CLCN3: variants seen among roughly 807,000 people sequenced by gnomAD.
CLCN3 encodes the protein Cl-/H+ antiporter 3, also known as H(+)/Cl(-) exchange transporter 3.
Under a neutral mutation model 83.4 loss-of-function variants are expected in CLCN3, and 16 were observed. The ratio of observed to expected loss-of-function variants is 0.19; its 90% CI spans 0.13 to 0.29. The LOEUF (loss-of-function observed/expected upper bound fraction) is 0.29, where lower values mean the gene tolerates loss of function less well. CLCN3 is among the 10% of genes least tolerant of loss of function. The pLI, the probability that CLCN3 is intolerant of heterozygous loss-of-function variation, is 1.00. For synonymous variants in CLCN3, 322 were observed against 346.2 expected, an observed-to-expected ratio of 0.93 and a Z score of 0.78; for missense variants, 544 against 1,006.0, an observed-to-expected ratio of 0.54 and a Z score of 6.21.
intron 5 of CLCN3, among the ~76,000 whole-genome samples, 154 bp downstream of exon 5, chr4:169,689,384 A>C (rs564359871): frequency 5.3e-5 from 8 of 152,364 alleles, no homozygotes; most frequent in Admixed American, 2.6e-4. Flanking sequence ...ATTAAGTGCA[A>C]TATTGTTTCA....
chr4:169,718,394 G>A (rs1049279600), intron 12 of CLCN3, among the ~76,000 whole-genome samples: 1 of 152,062 alleles, frequency 6.6e-6, no homozygotes, highest in African/African-American at 2.4e-5. Context: ...TAACTAGAGT[G>A]TAATGTGTAT....
chr4:169,699,143 G>C (rs1732682767), intron 9 of CLCN3, among the ~76,000 whole-genome samples: 1 of 152,096 alleles, frequency 6.6e-6, no homozygotes, highest in Non-Finnish European at 1.5e-5. Context: ...GGACATCTTT[G>C]ATGAGCCATT....
rs955680174 is a variant in CLCN3 at position 169,690,570 on chromosome 4, T to C, written c.647T>C (p.Phe216Ser). The change falls in exon 6 of 13, where the codon TTC becomes TCC. Residue 216 changes from phenylalanine to serine, a missense_variant. Physicochemically the swap from Phe to Ser is radical, Grantham distance 155 (BLOSUM62 -2). Transcript: ENST00000513761. ...ATCATGAACTACATAATGTACATCT[T>C]CTGGGCCTTGAGTTTTGCCTTTCTT... is the stretch of plus-strand genomic sequence containing the variant. ...SYIMNYIMYI[F>S]WALSFAFLAV... is the part of the protein sequence containing the mutation. 1.9e-6 allele frequency: 3 copies of C among 1,613,822 alleles called. No individual in the cohort carries two copies. The African/African-American group carries it at 4.0e-5, about 22-fold the overall frequency.
chr4:169,664,934 A>AACTTTAAACT (rs1425313490), intron 2 of CLCN3, among the ~76,000 whole-genome samples: 1 of 152,150 alleles, frequency 6.6e-6, no homozygotes, highest in Admixed American at 6.5e-5. Flanking sequence ...GTTTAAATTG[A>AACTTTAAACT]ACTTTAAGGT....
chr4:169,628,285 C>T (rs971806706), intron 1 of CLCN3, among the ~76,000 whole-genome samples: 1 of 152,016 alleles, frequency 6.6e-6, no homozygotes, highest in Non-Finnish European at 1.5e-5. Context: ...AAAGAATACT[C>T]CTTAAAGGCA....
rs189816658 is a variant in CLCN3, at chr4:169,683,281, G to A, written c.318+3074G>A. Among the ~76,000 whole-genome samples, 5 of 152,284 alleles carry A rather than the reference G, an allele frequency of 3.3e-5. No individual in the cohort carries two copies. In the East Asian group the frequency reaches 9.7e-4, roughly 29 times the overall value. ...GGAAGGTTGAGGCAGAGGATCGCTGGATCCCAGGAGTTTGAGACCAGCCTG... is the reference window on the plus strand; with the variant it reads ...GGAAGGTTGAGGCAGAGGATCGCTGAATCCCAGGAGTTTGAGACCAGCCTG... On this transcript the variant is annotated intron_variant, in intron 3 of 12. Transcript: ENST00000513761.
At chr4:169,694,714 C>G (rs980017926) in intron 7 of CLCN3, among the ~76,000 whole-genome samples, 2 of 152,134 alleles carry the variant, frequency 1.3e-5, no homozygotes, top group Non-Finnish European at 2.9e-5. Context: ...TGGCAGGCGC[C>G]TGTAATCCCA....
At chr4:169,663,526 G>A in intron 2 of CLCN3, 2 of 280,604 alleles carry the variant, frequency 7.1e-6, no homozygotes, top group Non-Finnish European at 7.1e-6. Flanking sequence ...TTTTTTTTTA[G>A]GGAGAGTCTC....
intron 2 of CLCN3, among the ~76,000 whole-genome samples, chr4:169,636,460 C>T (rs996596340): frequency 1.3e-5 from 2 of 152,118 alleles, no homozygotes; most frequent in African/African-American, 4.8e-5. Context: ...AGAAGTAAAA[C>T]ATTACCAGTA....
intron 2 of CLCN3, among the ~76,000 whole-genome samples, chr4:169,669,531 CAA>C (rs1431464452): frequency 6.6e-6 from 1 of 152,064 alleles, no homozygotes; most frequent in Non-Finnish European, 1.5e-5. Flanking sequence ...TATGTTATGA[CAA>C]ATATAGTTAT....
At chr4:169,679,872 G>A (rs1440264039) in intron 2 of CLCN3, among the ~76,000 whole-genome samples, 178 bp from the exon 3 acceptor site, 1 of 121,536 alleles carries the variant, frequency 8.2e-6, no homozygotes, top group African/African-American at 2.8e-5. Flanking sequence ...GAGGGAGACC[G>A]TGGAAGGCGG....
chr4:169,720,038 T>G lies in CLCN3; in HGVS notation c.*41T>G. On this transcript the variant is annotated 3_prime_UTR_variant, in exon 13 of 13. Transcript: ENST00000513761. The stretch of plus-strand genomic sequence containing the variant: ...AGAGAGAAGAAACGGAAGAGGAAGT[T>G]TATTTGTTGAATAGCACAACTCTTT... The G allele has an allele frequency of 6.2e-7, 1 of 1,613,092 alleles. No individual in the cohort carries two copies. Among genetic ancestry groups the G allele is most frequent in the South Asian group, 1.1e-5 (1 of 90,872 alleles).
At chr4:169,678,119 G>GAAACTC (rs1731753011) in intron 2 of CLCN3, among the ~76,000 whole-genome samples, 1 of 152,096 alleles carries the variant, frequency 6.6e-6, no homozygotes, top group South Asian at 2.1e-4. Flanking sequence ...AACTCTAAGG[G>GAAACTC]TTATTGTTTC....
chr4:169,626,901 T>G (rs1301644222), intron 1 of CLCN3, among the ~76,000 whole-genome samples: 1 of 152,200 alleles, frequency 6.6e-6, no homozygotes, highest in African/African-American at 2.4e-5. Context: ...AAAACCAATA[T>G]ATATCATATC....
At chr4:169,645,130 G>A (rs543877517) in intron 2 of CLCN3, among the ~76,000 whole-genome samples, 1 of 152,240 alleles carries the variant, frequency 6.6e-6, no homozygotes, top group Admixed American at 6.5e-5. Context: ...TAGTATTATC[G>A]AAAGTGTTGT....
chr4:169,635,875 G>A (rs769080194), intron 1 of CLCN3, 38 bp from the exon 2 acceptor site: 3 of 1,455,198 alleles, frequency 2.1e-6, no homozygotes, highest in Non-Finnish European at 2.7e-6. Context: ...TTTATTGTAT[G>A]TTTGAAAAAT....
At chr4:169,678,728 G>GCC (rs902330610) in intron 2 of CLCN3, among the ~76,000 whole-genome samples, 15 of 152,170 alleles carry the variant, frequency 9.9e-5, no homozygotes, top group African/African-American at 2.7e-4. Flanking sequence ...AGAGCAGGGG[G>GCC]TTGGGGGTAA....
At position 169,723,312 on chromosome 4, in the gene CLCN3, G is replaced by A. The variant is rs1413519269; in HGVS notation, c.*3315G>A. The A allele has an allele frequency of 6.6e-6, 1 of 152,126 alleles. No individual in the cohort carries two copies. The highest frequency in any genetic ancestry group is 1.5e-5 in the Non-Finnish European group (1 of 68,018). The allele number at this position is 152,126 out of a possible 1,614,324, so 9.4% of individuals were successfully genotyped here. ...GTAATAATTATAATGCTTCTCTCAG[G>A]TTACAAAGCATTTCTACACTTTGCA... On this transcript the variant is annotated 3_prime_UTR_variant, in exon 13 of 13. Transcript: ENST00000513761.
intron 1 of CLCN3, among the ~76,000 whole-genome samples, chr4:169,626,483 T>G (rs1311900973): frequency 6.6e-6 from 1 of 152,258 alleles, no homozygotes; most frequent in Non-Finnish European, 1.5e-5. Flanking sequence ...CCTGTCCAAC[T>G]TCTTCTGCCT....
Sources: gnomAD v4.1 joint callset for allele counts (sites outside exome capture counted in the v4.1 genomes callset) on GRCh38, gnomAD v4.1.1 for gene constraint, MANE v1.5 for transcripts, NCBI Gene and HGNC (gene_info 2026-07-23, HGNC 2026-07-21) for gene names.